The following MPP7 variants were observed in gnomAD, a reference collection of about 807,000 sequenced individuals.
MPP7 encodes MAGUK p55 scaffold protein 7, also known as MAGUK p55 subfamily member 7.
In MPP7, 60 loss-of-function variants were observed where a neutral mutation model predicts 76.5. That is an observed-to-expected ratio of 0.78 (90% CI 0.64 to 0.97). MPP7 has a LOEUF of 0.97. Ranked by LOEUF, MPP7 falls within the 50% of genes least tolerant of loss-of-function variation. The pLI, the probability that MPP7 is intolerant of heterozygous loss-of-function variation, is 0.00. For synonymous variants in MPP7, 237 were observed against 244.5 expected, an observed-to-expected ratio of 0.97 and a Z score of 0.29; for missense variants, 641 against 694.0, an observed-to-expected ratio of 0.92 and a Z score of 0.86.
At chr10:28,205,843 C>T (rs1390624077) in intron 2 of MPP7, among the ~76,000 whole-genome samples, 1 of 152,136 alleles carries the variant, frequency 6.6e-6, no homozygotes, top group Non-Finnish European at 1.5e-5. Flanking sequence ...GAAACTTAAA[C>T]CCCAATGCAA....
chr10:28,330,730 C>G (rs1405748133), intron 1 of MPP7, among the ~76,000 whole-genome samples: 1 of 152,166 alleles, frequency 6.6e-6, no homozygotes, highest in African/African-American at 2.4e-5. Context: ...TTATAACTCA[C>G]TGTAAAATTG....
chr10:28,312,796 C>G (rs1452004841), intron 2 of MPP7, among the ~76,000 whole-genome samples: 1 of 152,218 alleles, frequency 6.6e-6, no homozygotes, highest in Non-Finnish European at 1.5e-5. Flanking sequence ...TCTTGCACCA[C>G]TTATGTTATC....
intron 2 of MPP7, among the ~76,000 whole-genome samples, chr10:28,317,170 C>T (rs1312591812): frequency 3.9e-5 from 6 of 152,256 alleles, no homozygotes; most frequent in South Asian, 2.1e-4. Context: ...CATTTATACA[C>T]GCTAGAAAAG....
chr10:28,148,670 G>T (rs1177314851), intron 4 of MPP7, among the ~76,000 whole-genome samples: 3 of 151,950 alleles, frequency 2.0e-5, no homozygotes, highest in African/African-American at 4.8e-5. Flanking sequence ...AAGACATAAA[G>T]GTCATTTGCA....
intron 1 of MPP7, among the ~76,000 whole-genome samples, chr10:28,293,039 AG>A (rs1840957051): frequency 1.4e-5 from 2 of 144,194 alleles, no homozygotes; most frequent in African/African-American, 5.2e-5. Flanking sequence ...AAGACCCAGA[AG>A]GTTAAAAAAA....
At chr10:28,312,469 G>T (rs921951100) in intron 2 of MPP7, among the ~76,000 whole-genome samples, 1 of 152,130 alleles carries the variant, frequency 6.6e-6, no homozygotes, top group Non-Finnish European at 1.5e-5. Context: ...TAAGACAAAA[G>T]TTCTCCAAGT....
At chr10:28,334,944 G>A (rs1215988852), upstream of MPP7, among the ~76,000 whole-genome samples, 1 of 152,216 alleles carries the variant, frequency 6.6e-6, no homozygotes, top group Non-Finnish European at 1.5e-5. Context: ...CTCAGTTTGT[G>A]TGGGTCAGAA....
chr10:28,328,440 T>A (rs1425773217), intron 2 of MPP7, among the ~76,000 whole-genome samples: 1 of 152,178 alleles, frequency 6.6e-6, no homozygotes, highest in Non-Finnish European at 1.5e-5. Context: ...CTAGTTAAGT[T>A]TATAAGTTTA....
intron 3 of MPP7, among the ~76,000 whole-genome samples, chr10:28,188,827 GA>G (rs879784079): frequency 5.4e-5 from 8 of 147,982 alleles, no homozygotes; most frequent in Non-Finnish European, 7.5e-5. Context: ...AGTGTTGACG[GA>G]AAAAAAAAAT....
chr10:28,201,422 G>T lies in MPP7; in HGVS notation c.156+731C>A, dbSNP rs565817584. On this transcript the variant is annotated intron_variant, in intron 3 of 16. Transcript: ENST00000683449. ...TCTACCTCCTCATAAACTCCAGAAA[G>T]ACTCTAAATTTCTTTCAGCTTGAGT... 4.4e-4 allele frequency among the ~76,000 whole-genome samples: 67 copies of T among 152,188 alleles called. No homozygotes were observed. In the South Asian group the frequency reaches 5.6e-3, roughly 13 times the overall value.
intron 3 of MPP7, 62 bp downstream of exon 3, chr10:28,202,091 G>T: frequency 8.8e-7 from 1 of 1,132,998 alleles, no homozygotes; most frequent in South Asian, 1.3e-5. Flanking sequence ...TTTACTTGGT[G>T]GTGCCCCAAA....
At chr10:28,093,347 C>T (rs923977429) in intron 11 of MPP7, among the ~76,000 whole-genome samples, 1 of 152,016 alleles carries the variant, frequency 6.6e-6, no homozygotes, top group African/African-American at 2.4e-5. Flanking sequence ...AAAGTAAAAA[C>T]CTGACAAATT....
At chr10:28,194,089 A>G (rs1837500873) in intron 3 of MPP7, among the ~76,000 whole-genome samples, 1 of 152,192 alleles carries the variant, frequency 6.6e-6, no homozygotes, top group African/African-American at 2.4e-5. Context: ...ATCTCAACTC[A>G]CTGCAACCTC....
chr10:28,325,685 G>A (rs773663321), intron 2 of MPP7, among the ~76,000 whole-genome samples: 1 of 151,674 alleles, frequency 6.6e-6, no homozygotes, highest in Non-Finnish European at 1.5e-5. Flanking sequence ...GTAGAGAGGG[G>A]GTTTTCCCAT....
chr10:28,226,686 G>A (rs1002527167), intron 2 of MPP7, among the ~76,000 whole-genome samples: 2 of 151,962 alleles, frequency 1.3e-5, no homozygotes, highest in African/African-American at 4.8e-5. Context: ...GGTAAAAATG[G>A]CAAATTTTAT....
chr10:28,316,075 A>G (rs937593708), intron 2 of MPP7, among the ~76,000 whole-genome samples: 2 of 152,216 alleles, frequency 1.3e-5, no homozygotes, highest in African/African-American at 2.4e-5. Context: ...TTAAAGAGAC[A>G]TGACAAGTAA....
intron 3 of MPP7, among the ~76,000 whole-genome samples, chr10:28,184,399 CA>C (rs1837160187): frequency 6.8e-6 from 1 of 147,920 alleles, no homozygotes; most frequent in African/African-American, 2.5e-5. Flanking sequence ...TAATATATTA[CA>C]ATATTAATAT....
In MPP7 at chr10:28,056,606, C is replaced by G; in HGVS notation, c.1425G>C (p.Arg475Ser). The G allele has an allele frequency of 5.6e-6, 9 of 1,595,182 alleles. No homozygotes were observed. The highest frequency in any genetic ancestry group is 7.7e-6 in the Non-Finnish European group (9 of 1,175,626). Residue 475 changes from arginine to serine, a missense_variant, in exon 16 of 17, where the codon AGG (arginine) becomes AGC (serine). Physicochemically the swap from Arg to Ser is moderately radical, Grantham distance 110. Coordinates refer to ENST00000683449, the MANE Select transcript of MPP7 (RefSeq NM_001318170.2). Reference protein sequence around the residue: ...DVQPHTVKHLRTLEFKPYVIF... With the variant: ...DVQPHTVKHLSTLEFKPYVIF... ...TCACATAGGGCTTAAATTCTAGTGTCCTTAAATGCTTCACTGTCTACAAGG... is the reference window on the plus strand; with the variant it reads ...TCACATAGGGCTTAAATTCTAGTGTGCTTAAATGCTTCACTGTCTACAAGG...
intron 6 of MPP7, among the ~76,000 whole-genome samples, chr10:28,128,333 A>G (rs1414716159): frequency 6.7e-6 from 1 of 148,486 alleles, no homozygotes; most frequent in Non-Finnish European, 1.5e-5. Flanking sequence ...TGAGCATCCC[A>G]AATCCAAGAA....
Sources: allele counts gnomAD v4.1 joint callset (sites outside exome capture counted in the v4.1 genomes callset), GRCh38; gene constraint gnomAD v4.1.1; transcripts MANE v1.5; gene names NCBI Gene and HGNC (gene_info 2026-07-23, HGNC 2026-07-21).